The following ADCY2 variants were observed in gnomAD, a reference collection of about 807,000 sequenced individuals.
The protein encoded by ADCY2 is adenylate cyclase type 2.
Under a neutral mutation model 125.2 loss-of-function variants are expected in ADCY2, and 31 were observed. That is an observed-to-expected ratio of 0.25 (90% confidence interval 0.19 to 0.33). The LOEUF (loss-of-function observed/expected upper bound fraction) is 0.33. Ranked by LOEUF, ADCY2 falls within the 10% of genes least tolerant of loss-of-function variation. The probability of loss-of-function intolerance (pLI) is 1.00; values close to 1 mark genes in which losing one functional copy is unlikely to be tolerated. For synonymous variants in ADCY2, 512 were observed against 548.4 expected, an observed-to-expected ratio of 0.93 and a Z score of 0.93; for missense variants, 904 against 1,418.2, an observed-to-expected ratio of 0.64 and a Z score of 5.82.
intron 3 of ADCY2, among the ~76,000 whole-genome samples, chr5:7,591,205 A>T (rs1415165412): frequency 1.3e-5 from 2 of 152,204 alleles, no homozygotes; most frequent in African/African-American, 4.8e-5. Context: ...GTGAGTTGGT[A>T]TACCTATGTC....
At chr5:7,722,651 A>G (rs907258049) in intron 12 of ADCY2, among the ~76,000 whole-genome samples, 1 of 152,130 alleles carries the variant, frequency 6.6e-6, no homozygotes, top group Non-Finnish European at 1.5e-5. Flanking sequence ...TCAAAGAACT[A>G]TGCAGCCATA....
chr5:7,535,029 G>A (rs1041572106), intron 3 of ADCY2, among the ~76,000 whole-genome samples: 2 of 152,314 alleles, frequency 1.3e-5, no homozygotes, highest in African/African-American at 4.8e-5. Flanking sequence ...AGAAACCAAA[G>A]CTTTGCTTTT....
At chr5:7,619,239 G>A (rs909131427) in intron 3 of ADCY2, among the ~76,000 whole-genome samples, 1 of 152,138 alleles carries the variant, frequency 6.6e-6, no homozygotes, top group Admixed American at 6.5e-5. Context: ...ACAGTGTTTC[G>A]GCTGTCTGGA....
At chr5:7,668,413 A>G (rs1340176218) in intron 4 of ADCY2, among the ~76,000 whole-genome samples, 6 of 152,208 alleles carry the variant, frequency 3.9e-5, no homozygotes, top group East Asian at 1.9e-4. Context: ...GCCACTTTCT[A>G]AAAGTAAATG....
At chr5:7,657,185 A>G (rs991764267) in intron 4 of ADCY2, among the ~76,000 whole-genome samples, 1 of 152,200 alleles carries the variant, frequency 6.6e-6, no homozygotes, top group African/African-American at 2.4e-5. Context: ...TTCTGGTCCC[A>G]AGCATTTTGA....
At chr5:7,779,991 G>C (rs1159023974) in intron 18 of ADCY2, among the ~76,000 whole-genome samples, 1 of 152,180 alleles carries the variant, frequency 6.6e-6, no homozygotes, top group Non-Finnish European at 1.5e-5. Context: ...CCAGCCACGG[G>C]CCAGGAGGAA....
intron 22 of ADCY2, among the ~76,000 whole-genome samples, chr5:7,811,663 G>T (rs1262469232): frequency 6.6e-6 from 1 of 152,012 alleles, no homozygotes; most frequent in Non-Finnish European, 1.5e-5. Context: ...TGGGCTGAAG[G>T]TCATCACTAG....
chr5:7,407,178 G>C (rs1476656787), intron 1 of ADCY2, among the ~76,000 whole-genome samples: 2 of 152,204 alleles, frequency 1.3e-5, no homozygotes, highest in South Asian at 4.1e-4. Context: ...TAACAAGACA[G>C]CAATTTTTCC....
chr5:7,555,320 C>T (rs1366864733), intron 3 of ADCY2, among the ~76,000 whole-genome samples: 2 of 152,166 alleles, frequency 1.3e-5, no homozygotes, highest in Non-Finnish European at 2.9e-5. Flanking sequence ...CTTTCAAGAA[C>T]CTATTCTAGT....
At chr5:7,611,614 C>T (rs893282761) in intron 3 of ADCY2, among the ~76,000 whole-genome samples, 2 of 152,096 alleles carry the variant, frequency 1.3e-5, no homozygotes, top group African/African-American at 2.4e-5. Context: ...CCTCTTCACA[C>T]CATCAGGAAG....
At chr5:7,564,765 G>A (rs1041162690) in intron 3 of ADCY2, among the ~76,000 whole-genome samples, 18 of 152,134 alleles carry the variant, frequency 1.2e-4, no homozygotes, top group African/African-American at 3.6e-4. Flanking sequence ...CCCGGGCACC[G>A]CCACTACCTA....
At chr5:7,610,848 T>C (rs1281120296) in intron 3 of ADCY2, among the ~76,000 whole-genome samples, 1 of 152,232 alleles carries the variant, frequency 6.6e-6, no homozygotes, top group Non-Finnish European at 1.5e-5. Context: ...TTGCAAATTA[T>C]GGAATTTGGT....
intron 2 of ADCY2, among the ~76,000 whole-genome samples, chr5:7,461,709 G>T (rs1741924583): frequency 6.6e-6 from 1 of 152,184 alleles, no homozygotes; most frequent in Admixed American, 6.5e-5. Flanking sequence ...TACAGTTTTG[G>T]AATAGAAATT....
intron 13 of ADCY2, 152 bp downstream of exon 13, chr5:7,724,766 A>G (rs1741882885): frequency 4.7e-6 from 3 of 634,366 alleles, no homozygotes; most frequent in South Asian, 3.7e-5. Flanking sequence ...TCTTTCATGC[A>G]TATATTGCTT....
chr5:7,761,918 T>A (rs957261288), intron 16 of ADCY2, among the ~76,000 whole-genome samples: 1 of 152,220 alleles, frequency 6.6e-6, no homozygotes, highest in African/African-American at 2.4e-5. Flanking sequence ...AGTGTTGTTT[T>A]CCTTCCTCCA....
intron 4 of ADCY2, among the ~76,000 whole-genome samples, chr5:7,671,784 C>CTT (rs111320562): frequency 1.4e-5 from 2 of 146,474 alleles, no homozygotes; most frequent in East Asian, 2.0e-4. Context: ...CTCAAGTAGA[C>CTT]TTTTTTTTTT....
intron 3 of ADCY2, among the ~76,000 whole-genome samples, chr5:7,581,132 C>A (rs866278187): frequency 6.6e-6 from 1 of 152,132 alleles, no homozygotes; most frequent in African/African-American, 2.4e-5. Context: ...AGAAGAACAA[C>A]CTTTGGAAAT....
intron 2 of ADCY2, among the ~76,000 whole-genome samples, chr5:7,488,023 T>C (rs1388087162): frequency 1.3e-5 from 2 of 152,186 alleles, no homozygotes; most frequent in Non-Finnish European, 2.9e-5. Flanking sequence ...ATTATGATAT[T>C]AATCATAAAA....
chr5:7,791,063 T>C (rs1475877684), intron 20 of ADCY2, among the ~76,000 whole-genome samples: 1 of 151,952 alleles, frequency 6.6e-6, no homozygotes, highest in African/African-American at 2.4e-5. Context: ...GGGGGGTGTC[T>C]ATTCTGAAAG....
Sources: allele counts gnomAD v4.1 joint callset (sites outside exome capture counted in the v4.1 genomes callset), GRCh38; gene constraint gnomAD v4.1.1; transcripts MANE v1.5; gene names NCBI Gene and HGNC (gene_info 2026-07-23, HGNC 2026-07-21).